The following PKD1 variants were observed in gnomAD, a reference collection of about 807,000 sequenced individuals.
PKD1 encodes the protein polycystin 1, transient receptor potential channel interacting, also known as polycystin-1.
PKD1 carries 81 observed loss-of-function variants against 361.7 expected under a neutral mutation model. The ratio of observed to expected loss-of-function variants is 0.22; its 90% confidence interval spans 0.19 to 0.27. The LOEUF (loss-of-function observed/expected upper bound fraction) is 0.27. PKD1 is among the 10% of genes least tolerant of loss of function. The pLI, the probability that PKD1 is intolerant of heterozygous loss-of-function variation, is 1.00. For missense variants in PKD1, 6,399 were observed against 6,118.3 expected, an observed-to-expected ratio of 1.05 and a Z score of -1.53; for synonymous variants, 3,615 against 2,818.3, an observed-to-expected ratio of 1.28 and a Z score of -8.95.
chr16:2,109,767 C>T lies in PKD1; in HGVS notation c.5400G>A (p.Val1800=), dbSNP rs1266645537. 6.2e-7 allele frequency: 1 copy of T among 1,609,856 alleles called. No individual in the cohort carries two copies. Among genetic ancestry groups the T allele is most frequent in the African/African-American group, 1.3e-5 (1 of 74,986 alleles). Residue 1800 remains valine (V), a synonymous_variant, in exon 15 of 46, where the codon GTG becomes GTA. Transcript: ENST00000262304. Reference sequence around the variant, plus strand: ...CCCTGATGCTGAGGCCACTCACAGGCACCTGCACATCCACTTCCACGGTGG... The same window carrying T: ...CCCTGATGCTGAGGCCACTCACAGGTACCTGCACATCCACTTCCACGGTGG... The part of the protein sequence containing the change: ...ANATVEVDVQ[V]PVSGLSIRAS...
Position 2,118,347 on chromosome 16 carries a change from G to A in PKD1, c.645C>T (p.Phe215=), listed in dbSNP as rs1405446882. 1 of 1,426,524 alleles carries A rather than the reference G, an allele frequency of 7.0e-7. No individual in the cohort carries two copies. The highest frequency in any genetic ancestry group is 1.4e-5 in the African/African-American group (1 of 70,856). The allele number at this position is 1,426,524 out of a possible 1,614,324, so 88.4% of individuals were successfully genotyped here. A position where few individuals can be genotyped will look rare whatever the true frequency, so the allele number is the denominator to read the frequency against. ...LQPEACSAFC[F]STGQGLAALS... ...GGGCTGCGAGGCCCTGGCCGGTGGA[G>A]AAGCAGAAGGCGCTGCAGGCCTCTG... is the stretch of plus-strand genomic sequence containing the variant. The change falls in exon 5 of 46, where the codon TTC becomes TTT. Residue 215 remains phenylalanine (F), a synonymous_variant. Transcript: ENST00000262304. The surrounding 1 kb of genome is among the most constrained non-coding windows in gnomAD (Gnocchi z 6.0).
In PKD1 at chr16:2,096,940, C is replaced by G. The variant is rs1224880855; in HGVS notation, c.10499+208G>C. ...TCCTACAAAGCCCCATGAGCCTGCTCCCTCCCTAGAGGGAAGGTTCTGGGG... is the reference window on the plus strand; with the variant it reads ...TCCTACAAAGCCCCATGAGCCTGCTGCCTCCCTAGAGGGAAGGTTCTGGGG... On this transcript the variant is annotated intron_variant, in intron 34 of 45. Coordinates refer to ENST00000262304, the MANE Select transcript of PKD1 (RefSeq NM_001009944.3). 3 of 597,696 alleles carry G rather than the reference C, an allele frequency of 5.0e-6. No homozygotes were observed. In the African/African-American group the frequency reaches 5.6e-5, roughly 11 times the overall value. 37.0% of individuals were successfully genotyped at this position (597,696 alleles called of 1,614,324 possible).
Position 2,102,438 on chromosome 16 carries a change from G to A in PKD1, c.9144C>T (p.Leu3048=). 1 of 1,551,890 alleles carries A rather than the reference G, an allele frequency of 6.4e-7. No individual in the cohort carries two copies. Among genetic ancestry groups the A allele is most frequent in the East Asian group, 2.4e-5 (1 of 41,058 alleles). ...PRQAVCLTRH[L]TAFGASLFVP... ...CGAAGAGGCTGGCGCCGAAGGCGGT[G>A]AGGTGGCGGGTGAGGCAGACGGCCT... Residue 3048 remains leucine, a synonymous_variant, in exon 25 of 46, where the codon CTC becomes CTT. Transcript: ENST00000262304.
In PKD1 at chr16:2,091,629, G is replaced by A. The variant is rs371331679; in HGVS notation, c.11538-32C>T. On this transcript the variant is annotated intron_variant, in intron 41 of 45. Transcript: ENST00000262304. Reference sequence around the variant, plus strand: ...AGAGGGTGCGGGTCAGTAGGAGCGGGTGGCAGGGCGGGAGCTGCGGGGACC... The same window carrying A: ...AGAGGGTGCGGGTCAGTAGGAGCGGATGGCAGGGCGGGAGCTGCGGGGACC... 4,146 of 1,561,364 alleles carry A rather than the reference G, an allele frequency of 2.7e-3. 5 individuals are homozygous for A. The highest frequency in any genetic ancestry group is 3.3e-3 in the Non-Finnish European group (3,776 of 1,161,438).
Position 2,091,611 on chromosome 16 carries a change from G to A in PKD1, c.11538-14C>T, listed in dbSNP as rs1467019408. The A allele has an allele frequency of 2.6e-6, 4 of 1,562,412 alleles. No homozygotes were observed. Among genetic ancestry groups the A allele is most frequent in the African/African-American group, 1.3e-5 (1 of 74,210 alleles). ...ACAGCGCGGCTCCTGCGCAGAGGGTGCGGGTCAGTAGGAGCGGGTGGCAGG... is the reference window on the plus strand; with the variant it reads ...ACAGCGCGGCTCCTGCGCAGAGGGTACGGGTCAGTAGGAGCGGGTGGCAGG... On this transcript the variant is annotated splice_polypyrimidine_tract_variant and intron_variant, in intron 41 of 45. Coordinates refer to ENST00000262304, the MANE Select transcript of PKD1 (RefSeq NM_001009944.3).
In PKD1 at chr16:2,103,493, G is replaced by A; in HGVS notation, c.8564C>T (p.Thr2855Ile). 4 of 1,603,518 alleles carry A rather than the reference G, an allele frequency of 2.5e-6. No homozygotes were observed. The highest frequency in any genetic ancestry group is 3.4e-6 in the Non-Finnish European group (4 of 1,179,704). ...GATGGGGATCTGGGCGCCGGCCTGT[G>A]TCTGGAATGCCATCGAGGCCACCTT... The part of the protein sequence containing the change: ...STKVASMAFQ[T>I]QAGAQIPIER... Residue 2855 changes from threonine to isoleucine, a missense_variant, in exon 23 of 46, where the codon ACA (threonine) becomes ATA (isoleucine). Transcript: ENST00000262304.
chr16:2,111,194 G>C lies in PKD1; in HGVS notation c.3973C>G (p.Leu1325Val), dbSNP rs528984834. 4 of 1,611,554 alleles carry C rather than the reference G, an allele frequency of 2.5e-6. No individual in the cohort carries two copies. The highest frequency in any genetic ancestry group is 3.4e-6 in the Non-Finnish European group (4 of 1,179,746). The change falls in exon 15 of 46, where the codon CTC becomes GTC. Residue 1325 changes from leucine (L) to valine (V), a missense_variant. By Grantham distance (32) the Leu-to-Val change is conservative. Transcript: ENST00000262304. ...CCATCCCCGAAGGTCCAGTCGAAGA[G>C]GTAGTGGGCCGGGTTCCCGGTGACG... ...AYVTGNPAHY[L>V]FDWTFGDGSS...
chr16:2,105,051 A>C lies in PKD1; in HGVS notation c.8016+271T>G, dbSNP rs778184074. On this transcript the variant is annotated intron_variant, in intron 21 of 45. Coordinates refer to ENST00000262304, the MANE Select transcript of PKD1 (RefSeq NM_001009944.3). ...GGGAAGGGGGAGGGGAGGGGAGGGGAGAGTGGAGGGCACAGAGCAGCATCT... is the reference window on the plus strand; with the variant it reads ...GGGAAGGGGGAGGGGAGGGGAGGGGCGAGTGGAGGGCACAGAGCAGCATCT... 8.1e-3 allele frequency among the ~76,000 whole-genome samples: 465 copies of C among 57,230 alleles called. 1 individual carries two copies. Among genetic ancestry groups the C allele is most frequent in the Admixed American group, 0.015 (74 of 4,936 alleles). 37.5% of individuals were successfully genotyped at this position (57,230 alleles called of 152,430 possible). A position where few individuals can be genotyped will look rare whatever the true frequency, so the allele number is the denominator to read the frequency against.
Position 2,122,572 on chromosome 16 carries a change from T to C in PKD1, c.216-3194A>G, listed in dbSNP as rs372602911. On this transcript the variant is annotated intron_variant, in intron 1 of 45. Transcript: ENST00000262304. Reference sequence around the variant, plus strand: ...CCCGCCGTGGGGTGGGACAGGGTGGTGGCTGGGAGACCAGCAAGAGGCCAT... The same window carrying C: ...CCCGCCGTGGGGTGGGACAGGGTGGCGGCTGGGAGACCAGCAAGAGGCCAT... Among the ~76,000 whole-genome samples, 5 of 152,280 alleles carry C rather than the reference T, an allele frequency of 3.3e-5. 1 individual carries two copies. The highest frequency in any genetic ancestry group is 3.9e-4 in the East Asian group (2 of 5,180).
rs1324962116 is a variant in PKD1 at position 2,117,975 on chromosome 16, C to T, written c.1017G>A (p.Leu339=). The change falls in exon 5 of 46, where the codon CTG becomes CTA. Residue 339 remains leucine, a synonymous_variant. Transcript: ENST00000262304. ...TCCCCAGCAGGGCTGAGCCGGCCCC[C>T]AGGGCCAGCACGGCCGTCACGTGAT... The part of the protein sequence containing the change: ...GRYHVTAVLA[L]GAGSALLGTD... 6.5e-7 allele frequency: 1 copy of T among 1,543,712 alleles called. No homozygotes were observed. The highest frequency in any genetic ancestry group is 1.1e-5 in the South Asian group (1 of 88,004).
At position 2,106,330 on chromosome 16, in the gene PKD1, C is replaced by T. The variant is rs756032673; in HGVS notation, c.7490-26G>A. 66 of 1,605,746 alleles carry T rather than the reference C, an allele frequency of 4.1e-5. No homozygotes were observed. The highest frequency in any genetic ancestry group is 5.0e-5 in the Admixed American group (3 of 59,756). ...CTGAGGGACGGTCCCCACGGCATCA[C>T]GGGAGGGCTCCGTGACGTCACAGAG... On this transcript the variant is annotated intron_variant, in intron 18 of 45. Transcript: ENST00000262304. The surrounding 1 kb of genome is among the most constrained non-coding windows in gnomAD (Gnocchi z 6.5).
chr16:2,089,505 C>T lies in PKD1; in HGVS notation c.*222G>A. 1.7e-6 allele frequency: 1 copy of T among 603,108 alleles called. No individual in the cohort carries two copies. Among genetic ancestry groups the T allele is most frequent in the Non-Finnish European group, 3.0e-6 (1 of 337,946 alleles). 37.4% of individuals were successfully genotyped at this position (603,108 alleles called of 1,614,324 possible). ...AGAGGCTAGAAACCGTCCAATACTG[C>T]TGTGTCCTTCCCAAGGGAGCTGGGG... On this transcript the variant is annotated 3_prime_UTR_variant, in exon 46 of 46. Coordinates refer to ENST00000262304, the MANE Select transcript of PKD1 (RefSeq NM_001009944.3).
chr16:2,109,958 T>C lies in PKD1; in HGVS notation c.5209A>G (p.Thr1737Ala), dbSNP rs760993331. The C allele has an allele frequency of 9.3e-6, 15 of 1,609,808 alleles. No homozygotes were observed. The Admixed American group carries it at 1.7e-4, about 18-fold the overall frequency. Residue 1737 changes from threonine to alanine, a missense_variant, in exon 15 of 46, where the codon ACC becomes GCC. Coordinates refer to ENST00000262304, the MANE Select transcript of PKD1 (RefSeq NM_001009944.3). ...CCACCAGCCAGCTCGGCACTGAGGG[T>C]GACGCTTGTGTTGACGGCAGCTGGG... is the stretch of plus-strand genomic sequence containing the variant. Reference protein sequence around the residue: ...PNPAAVNTSVTLSAELAGGSG... With the variant: ...PNPAAVNTSVALSAELAGGSG...
In PKD1 at chr16:2,089,774, T is replaced by C; in HGVS notation, c.12865A>G (p.Arg4289Gly). ...RGVDLATGPSRTPLRAKNKVH... is the reference protein window; with the variant it reads ...RGVDLATGPSGTPLRAKNKVH... ...TTGTTCTTGGCCCGAAGGGGTGTCC[T>C]GCTGGGGCCAGTGGCCAGGTCCACA... Residue 4289 changes from arginine to glycine, a missense_variant, in exon 46 of 46, where the codon AGG becomes GGG. Arg to Gly is a moderately radical substitution (Grantham distance 125). Coordinates refer to ENST00000262304, the MANE Select transcript of PKD1 (RefSeq NM_001009944.3). The C allele has an allele frequency of 6.3e-7, 1 of 1,597,332 alleles. No individual in the cohort carries two copies. The highest frequency in any genetic ancestry group is 8.5e-7 in the Non-Finnish European group (1 of 1,173,332).
Position 2,103,386 on chromosome 16 carries a change from C to A in PKD1, c.8671G>T (p.Ala2891Ser). Residue 2891 changes from alanine to serine, a missense_variant, in exon 23 of 46, where the codon GCC becomes TCC. Physicochemically the swap from Ala to Ser is moderately conservative, Grantham distance 99. Coordinates refer to ENST00000262304, the MANE Select transcript of PKD1 (RefSeq NM_001009944.3). ...ACCACAACGGAGTTGGCGGAGTTGG[C>A]GGAGCTGCGGTGGCCCCGGGCAGCC... ...DWAARGHRSSANSANSVVVQP... is the reference protein window; with the variant it reads ...DWAARGHRSSSNSANSVVVQP... 2 of 1,600,152 alleles carry A rather than the reference C, an allele frequency of 1.2e-6. No homozygotes were observed. Among genetic ancestry groups the A allele is most frequent in the Non-Finnish European group, 1.7e-6 (2 of 1,179,480 alleles).
Position 2,113,215 on chromosome 16 carries a change from G to A in PKD1, c.2931C>T (p.Phe977=). Residue 977 remains phenylalanine, a synonymous_variant, in exon 12 of 46, where the codon TTC becomes TTT. Transcript: ENST00000262304. ...AAATGACATTGAAGACCACGTTCTG[G>A]AAGGTCAGGGACTGCTTGTCGTTGA... The part of the protein sequence containing the change: ...WTINDKQSLT[F]QNVVFNVIYQ... 1 of 1,407,164 alleles carries A rather than the reference G, an allele frequency of 7.1e-7. No homozygotes were observed. The highest frequency in any genetic ancestry group is 9.9e-7 in the Non-Finnish European group (1 of 1,008,308). The allele number at this position is 1,407,164 out of a possible 1,614,324, so 87.2% of individuals were successfully genotyped here.
Position 2,097,931 on chromosome 16 carries a change from G to A in PKD1, c.10104C>T (p.Asp3368=), listed in dbSNP as rs1407299244. The A allele has an allele frequency of 2.5e-6, 4 of 1,603,888 alleles. No homozygotes were observed. The highest frequency in any genetic ancestry group is 1.1e-5 in the South Asian group (1 of 90,792). ...CCAGCACGGACGAGTCCAGGCAGCT[G>A]TCGATGTCCAGCACCTGCTGCCCGG... is the stretch of plus-strand genomic sequence containing the variant. ...TPAGQQVLDI[D]SCLDSSVLDS... is the part of the protein sequence containing the mutation. The change falls in exon 31 of 46, where the codon GAC becomes GAT. Residue 3368 remains aspartate, a synonymous_variant. Coordinates refer to ENST00000262304, the MANE Select transcript of PKD1 (RefSeq NM_001009944.3).
chr16:2,108,750 C>G lies in PKD1; in HGVS notation c.6417G>C (p.Val2139=). 2 of 1,571,040 alleles carry G rather than the reference C, an allele frequency of 1.3e-6. No individual in the cohort carries two copies. Among genetic ancestry groups the G allele is most frequent in the Non-Finnish European group, 1.7e-6 (2 of 1,159,364 alleles). ...CCCGGCAGGCCAGCACCTGGACGGTCACCGTGGCCTGCGCCACGAAGAAGC... is the reference window on the plus strand; with the variant it reads ...CCCGGCAGGCCAGCACCTGGACGGTGACCGTGGCCTGCGCCACGAAGAAGC... ...LVSFFVAQAT[V]TVQVLACREP... Residue 2139 remains valine, a synonymous_variant, in exon 15 of 46, where the codon GTG becomes GTC. Coordinates refer to ENST00000262304, the MANE Select transcript of PKD1 (RefSeq NM_001009944.3).
intron 8 of PKD1, 191 bp from the exon 9 acceptor site, chr16:2,116,309 T>A (rs1360227590): frequency 7.2e-6 from 5 of 692,802 alleles, no homozygotes; most frequent in Admixed American, 2.2e-5. Flanking sequence ...ACCCCTGACC[T>A]GCCTTTCAGG....
Sources: allele counts gnomAD v4.1 joint callset (sites outside exome capture counted in the v4.1 genomes callset), GRCh38; gene constraint gnomAD v4.1.1; non-coding constraint Gnocchi (gnomAD v3.1); transcripts MANE v1.5; gene names NCBI Gene and HGNC (gene_info 2026-07-23, HGNC 2026-07-21).